ARL8B: variants seen among roughly 807,000 people sequenced by gnomAD.
ARL8B encodes ARF like GTPase 8B.
In ARL8B, 9 loss-of-function variants were observed where a neutral mutation model predicts 30.6. The observed-to-expected ratio is 0.29, with a 90% confidence interval of 0.18 to 0.51. The LOEUF (loss-of-function observed/expected upper bound fraction) is 0.51. Ranked by LOEUF, ARL8B falls within the 20% of genes least tolerant of loss-of-function variation. The pLI is 0.97. For synonymous variants in ARL8B, 74 were observed against 76.0 expected, an observed-to-expected ratio of 0.97 and a Z score of 0.14; for missense variants, 130 against 227.2, an observed-to-expected ratio of 0.57 and a Z score of 2.75.
chr3:5,159,482 A>G (rs1260047293), intron 1 of ARL8B, among the ~76,000 whole-genome samples: 6 of 149,828 alleles, frequency 4.0e-5, no homozygotes, highest in African/African-American at 1.5e-4. Flanking sequence ...CATGCCTGTA[A>G]TTCCAGCTAC....
At chr3:5,136,591 G>T (rs1337466171) in intron 1 of ARL8B, among the ~76,000 whole-genome samples, 1 of 152,162 alleles carries the variant, frequency 6.6e-6, no homozygotes, top group Admixed American at 6.5e-5. Context: ...CTAGCTGTTA[G>T]TACTACCCTA....
At chr3:5,128,558 G>T in intron 1 of ARL8B, 1 of 387,088 alleles carries the variant, frequency 2.6e-6, no homozygotes, top group South Asian at 1.9e-5. Flanking sequence ...ACAAGTTAAT[G>T]GATTTTTTAA....
intron 1 of ARL8B, among the ~76,000 whole-genome samples, chr3:5,159,922 G>T (rs1032390648): frequency 6.6e-6 from 1 of 152,014 alleles, no homozygotes; most frequent in African/African-American, 2.4e-5. Context: ...TTTTATGTTA[G>T]AAACGCAAAC....
intron 1 of ARL8B, 24 bp downstream of exon 1, chr3:5,122,612 C>T (rs1414421398): frequency 1.3e-6 from 2 of 1,583,002 alleles, no homozygotes; most frequent in Non-Finnish European, 8.6e-7. Context: ...CACTCACTCG[C>T]CCGGGGCTCC....
intron 1 of ARL8B, among the ~76,000 whole-genome samples, chr3:5,132,514 C>T (rs2054291633): frequency 6.6e-6 from 1 of 152,190 alleles, no homozygotes; most frequent in African/African-American, 2.4e-5. Flanking sequence ...GCTGGGATTA[C>T]AGGCGTGAGC....
chr3:5,148,920 A>G (rs551592778), intron 1 of ARL8B, among the ~76,000 whole-genome samples: 1 of 152,140 alleles, frequency 6.6e-6, no homozygotes, highest in South Asian at 2.1e-4. Flanking sequence ...TTTGTACCCT[A>G]GGTTTAGGAT....
At chr3:5,141,842 C>T (rs1457583602) in intron 1 of ARL8B, among the ~76,000 whole-genome samples, 2 of 152,032 alleles carry the variant, frequency 1.3e-5, no homozygotes, top group East Asian at 3.9e-4. Flanking sequence ...TTGAGGGTGT[C>T]CTGAGTATAA....
chr3:5,178,237 GTTT>G (rs879940677), intron 6 of ARL8B, among the ~76,000 whole-genome samples: 7 of 142,884 alleles, frequency 4.9e-5, no homozygotes, highest in Admixed American at 3.5e-4. Context: ...TTCTTTTGCT[GTTT>G]TTTTTTTTTA....
At chr3:5,145,437 C>T (rs1314910969) in intron 1 of ARL8B, among the ~76,000 whole-genome samples, 1 of 152,172 alleles carries the variant, frequency 6.6e-6, no homozygotes, top group Non-Finnish European at 1.5e-5. Context: ...CCTCTACCAG[C>T]AGGGCTGTGG....
Position 5,124,104 on chromosome 3 carries a change from T to C in ARL8B, c.123+1516T>C, listed in dbSNP as rs951547915. Among the ~76,000 whole-genome samples, 5 of 152,060 alleles carry C rather than the reference T, an allele frequency of 3.3e-5. No homozygotes were observed. In the East Asian group the frequency reaches 7.7e-4, roughly 23 times the overall value. The stretch of plus-strand genomic sequence containing the variant: ...GCTAGTCTCAAAACTCCTGACCTCA[T>C]GTGATCCGCCCGACTCGGCCTCTTA... On this transcript the variant is annotated intron_variant, in intron 1 of 6. Coordinates refer to ENST00000256496, the MANE Select transcript of ARL8B (RefSeq NM_018184.3).
intron 1 of ARL8B, among the ~76,000 whole-genome samples, chr3:5,165,328 C>T (rs2054614852): frequency 6.6e-6 from 1 of 151,958 alleles, no homozygotes; most frequent in East Asian, 1.9e-4. Flanking sequence ...TACAGAAATA[C>T]AGAAAGCATA....
chr3:5,168,869 ATG>A (rs2054645837), intron 1 of ARL8B, among the ~76,000 whole-genome samples: 2 of 152,224 alleles, frequency 1.3e-5, no homozygotes, highest in African/African-American at 4.8e-5. Flanking sequence ...CCTCTTCATT[ATG>A]TAAAACACTT....
intron 1 of ARL8B, among the ~76,000 whole-genome samples, chr3:5,137,853 G>T (rs2054341342): frequency 6.6e-6 from 1 of 152,136 alleles, no homozygotes; most frequent in South Asian, 2.1e-4. Context: ...CTCCCAAAGT[G>T]CTAGGATTAC....
At chr3:5,169,022 C>T (rs2054647055) in intron 1 of ARL8B, among the ~76,000 whole-genome samples, 1 of 152,080 alleles carries the variant, frequency 6.6e-6, no homozygotes, top group African/African-American at 2.4e-5. Context: ...GACTCTACTA[C>T]CTGTTCTATG....
chr3:5,145,140 A>G (rs2054407428), intron 1 of ARL8B, among the ~76,000 whole-genome samples: 1 of 151,968 alleles, frequency 6.6e-6, no homozygotes, highest in African/African-American at 2.4e-5. Flanking sequence ...TTATCCCATC[A>G]TGTTGTGGAG....
intron 1 of ARL8B, among the ~76,000 whole-genome samples, chr3:5,146,142 T>C (rs2054416907): frequency 6.6e-6 from 1 of 152,206 alleles, no homozygotes; most frequent in South Asian, 2.1e-4. Context: ...AGTGGTATTG[T>C]TGTTTTCTCC....
In ARL8B at chr3:5,129,688, A is replaced by G. The variant is rs2054264875; in HGVS notation, c.123+7100A>G. Among the ~76,000 whole-genome samples, 4 of 152,190 alleles carry G rather than the reference A, an allele frequency of 2.6e-5. 1 individual carries two copies. The highest frequency in any genetic ancestry group is 2.1e-4 in the South Asian group (1 of 4,820). On this transcript the variant is annotated intron_variant, in intron 1 of 6. Transcript: ENST00000256496. ...TAGCCTCCCAAGTAGTAGGGACCAC[A>G]GGCGTATGTCACTACGCCTGGCTAA...
At chr3:5,172,341 G>GC in intron 3 of ARL8B, 118 bp downstream of exon 3, 1 of 868,106 alleles carries the variant, frequency 1.2e-6, no homozygotes, top group South Asian at 1.7e-5. Context: ...ATCTTTCTTA[G>GC]CTAATATCCT....
chr3:5,138,715 A>G (rs1020340290), intron 1 of ARL8B, among the ~76,000 whole-genome samples: 1 of 152,202 alleles, frequency 6.6e-6, no homozygotes, highest in African/African-American at 2.4e-5. Flanking sequence ...CAGCTACTGA[A>G]TAAATAATGA....
Sources: allele counts gnomAD v4.1 joint callset (sites outside exome capture counted in the v4.1 genomes callset), GRCh38; gene constraint gnomAD v4.1.1; transcripts MANE v1.5; gene names NCBI Gene and HGNC (gene_info 2026-07-23, HGNC 2026-07-21).